Variants in SGCZ observed in about 807,000 individuals in gnomAD.
SGCZ encodes the protein sarcoglycan zeta, also known as zeta-sarcoglycan.
In SGCZ, 40 loss-of-function variants were observed where a neutral mutation model predicts 41.3. That is an observed-to-expected ratio of 0.97 (90% CI 0.75 to 1.26). The LOEUF is 1.26. Ranked by LOEUF, SGCZ falls within the 50% of genes most tolerant of loss-of-function variation. The pLI, the probability that SGCZ is intolerant of heterozygous loss-of-function variation, is 0.00. For missense variants in SGCZ, 552 were observed against 369.8 expected (o/e 1.49, Z -4.04); for synonymous variants, 206 against 137.5 (o/e 1.50, Z -3.49).
chr8:14,982,975 C>T (rs1218356350), intron 1 of SGCZ, among the ~76,000 whole-genome samples: 1 of 152,148 alleles, frequency 6.6e-6, no homozygotes, highest in Non-Finnish European at 1.5e-5. Flanking sequence ...AATTTAGCCA[C>T]CTATTAGCTA....
At chr8:14,739,971 G>T (rs567135819) in intron 1 of SGCZ, among the ~76,000 whole-genome samples, 68 of 152,034 alleles carry the variant, frequency 4.5e-4, no homozygotes, top group African/African-American at 1.6e-3. Context: ...TATGGAAATG[G>T]TCTCCCTAGC....
At chr8:15,096,601 T>G (rs1806355583) in intron 1 of SGCZ, among the ~76,000 whole-genome samples, 1 of 152,224 alleles carries the variant, frequency 6.6e-6, no homozygotes, top group South Asian at 2.1e-4. Flanking sequence ...AAATTATATC[T>G]TATTTCTTCC....
intron 1 of SGCZ, among the ~76,000 whole-genome samples, chr8:14,826,372 T>C (rs1474635280): frequency 3.3e-5 from 5 of 152,158 alleles, no homozygotes; most frequent in African/African-American, 1.2e-4. Context: ...TTTGCTATTG[T>C]GAATAGTGCC....
At chr8:15,035,437 A>G (rs1398278365) in intron 1 of SGCZ, among the ~76,000 whole-genome samples, 2 of 152,160 alleles carry the variant, frequency 1.3e-5, no homozygotes, top group Non-Finnish European at 2.9e-5. Flanking sequence ...GAAGAAAGGA[A>G]CAAAGGATCT....
intron 1 of SGCZ, among the ~76,000 whole-genome samples, chr8:15,025,091 C>T (rs1324192794): frequency 6.6e-6 from 1 of 150,842 alleles, no homozygotes; most frequent in African/African-American, 2.4e-5. Context: ...AAAAGAGACT[C>T]ATTTTAATGA....
chr8:14,126,371 T>A (rs1361577991), intron 5 of SGCZ, among the ~76,000 whole-genome samples: 1 of 151,986 alleles, frequency 6.6e-6, no homozygotes, highest in Non-Finnish European at 1.5e-5. Context: ...AACAAACATA[T>A]AACGAAAAAA....
At chr8:14,474,711 C>A (rs1056626997) in intron 2 of SGCZ, among the ~76,000 whole-genome samples, 1 of 152,122 alleles carries the variant, frequency 6.6e-6, no homozygotes, top group Non-Finnish European at 1.5e-5. Context: ...TACTCAAAAA[C>A]TAAAACACTT....
At chr8:14,212,549 T>G (rs13279634) in intron 4 of SGCZ, among the ~76,000 whole-genome samples, 35,897 of 148,872 alleles carry the variant, frequency 0.24, 5,467 homozygotes, top group Non-Finnish European at 0.34. Context: ...AAGTAGGCCA[T>G]AGCCTACACA....
intron 1 of SGCZ, among the ~76,000 whole-genome samples, chr8:15,139,009 G>C (rs1214081596): frequency 6.6e-6 from 1 of 152,000 alleles, no homozygotes; most frequent in Non-Finnish European, 1.5e-5. Flanking sequence ...CTTAATGCTG[G>C]ATTTAAGCAT....
At chr8:15,164,714 C>G (rs899859341) in intron 1 of SGCZ, among the ~76,000 whole-genome samples, 2 of 148,142 alleles carry the variant, frequency 1.4e-5, no homozygotes, top group East Asian at 2.0e-4. Flanking sequence ...TTCTTTAAAG[C>G]TTTAATTGTG....
intron 2 of SGCZ, among the ~76,000 whole-genome samples, chr8:14,548,198 G>A (rs1355953832): frequency 6.6e-6 from 1 of 152,102 alleles, no homozygotes; most frequent in Admixed American, 6.6e-5. Flanking sequence ...CGAGGTAATA[G>A]AGCTAATAAA....
At chr8:15,097,840 GTGTATA>G (rs1806420489) in intron 1 of SGCZ, among the ~76,000 whole-genome samples, 2 of 29,606 alleles carry the variant, frequency 6.8e-5, no homozygotes, top group African/African-American at 2.3e-4. Context: ...ATATACGTGT[GTGTATA>G]TATATATATA....
At chr8:14,907,842 A>C (rs1040136822) in intron 1 of SGCZ, among the ~76,000 whole-genome samples, 11 of 152,220 alleles carry the variant, frequency 7.2e-5, no homozygotes, top group African/African-American at 2.7e-4. Context: ...CTATTAAAAC[A>C]TACCAAGTAC....
At chr8:14,928,683 A>G (rs1018741296) in intron 1 of SGCZ, among the ~76,000 whole-genome samples, 1 of 152,180 alleles carries the variant, frequency 6.6e-6, no homozygotes, top group Non-Finnish European at 1.5e-5. Context: ...CTTTGTTAAG[A>G]ACATAATTGT....
At chr8:14,750,948 C>G (rs1799479020) in intron 1 of SGCZ, among the ~76,000 whole-genome samples, 1 of 152,154 alleles carries the variant, frequency 6.6e-6, no homozygotes, top group Non-Finnish European at 1.5e-5. Flanking sequence ...ATCAGGCTGA[C>G]ATGGTTAATA....
intron 1 of SGCZ, among the ~76,000 whole-genome samples, chr8:14,906,434 C>T (rs879937517): frequency 6.6e-6 from 1 of 152,144 alleles, no homozygotes; most frequent in Non-Finnish European, 1.5e-5. Flanking sequence ...TCTTAAACCA[C>T]GCTCTGGAAA....
intron 1 of SGCZ, among the ~76,000 whole-genome samples, chr8:14,627,940 G>C (rs963633967): frequency 6.6e-6 from 1 of 152,148 alleles, no homozygotes; most frequent in South Asian, 2.1e-4. Flanking sequence ...ATAATTTTAA[G>C]CTTCAGCTAC....
In SGCZ at chr8:14,583,577, G is replaced by A. The variant is rs185950767; in HGVS notation, c.40-28651C>T. Among the ~76,000 whole-genome samples, 2 of 152,136 alleles carry A rather than the reference G, an allele frequency of 1.3e-5. 1 individual carries two copies. The highest frequency in any genetic ancestry group is 2.9e-5 in the Non-Finnish European group (2 of 67,994). ...TTGATGTTTTAGACATGAAGTCCTT[G>A]CCCATGCCTATGTCCTGAATGGTAG... On this transcript the variant is annotated intron_variant, in intron 1 of 7. Coordinates refer to ENST00000382080, the MANE Select transcript of SGCZ (RefSeq NM_139167.4).
At position 14,551,467 on chromosome 8, in the gene SGCZ, TA is replaced by T. The variant is rs1803814196; in HGVS notation, c.234+3264del. ...TTTCATATATATATTATATATATTA[TA>T]TATATTATATATTATATATATTATA... is the stretch of plus-strand genomic sequence containing the variant. On this transcript the variant is annotated intron_variant, in intron 2 of 7. Coordinates refer to ENST00000382080, the MANE Select transcript of SGCZ (RefSeq NM_139167.4). Among the ~76,000 whole-genome samples, 28 of 5,636 alleles carry T rather than the reference TA, an allele frequency of 5.0e-3. 3 individuals are homozygous for T. In the East Asian group the frequency reaches 0.11, roughly 23 times the overall value. 3.7% of individuals were successfully genotyped at this position (5,636 alleles called of 152,430 possible). A position where few individuals can be genotyped will look rare whatever the true frequency, so the allele number is the denominator to read the frequency against.
Sources: allele counts gnomAD v4.1 joint callset (sites outside exome capture counted in the v4.1 genomes callset), GRCh38; gene constraint gnomAD v4.1.1; transcripts MANE v1.5; gene names NCBI Gene and HGNC (gene_info 2026-07-23, HGNC 2026-07-21).